Variants in AGMO observed in about 807,000 individuals in gnomAD.
The protein encoded by AGMO is alkylglycerol monooxygenase, also known as glyceryl-ether monooxygenase.
A neutral mutation model predicts 60.2 loss-of-function variants in AGMO; 75 were observed. The ratio of observed to expected loss-of-function variants is 1.25; its 90% CI spans 1.03 to 1.51. The LOEUF is 1.51. Among genes scored for constraint, AGMO ranks in the 40% most tolerant of loss-of-function variants. The pLI, the probability that AGMO is intolerant of heterozygous loss-of-function variation, is 0.00. For missense variants in AGMO, 763 were observed against 525.5 expected (o/e 1.45, Z -4.42); for synonymous variants, 261 against 177.1 (o/e 1.47, Z -3.76).
At chr7:15,534,708 T>A (rs1332007318) in intron 3 of AGMO, among the ~76,000 whole-genome samples, 3 of 151,916 alleles carry the variant, frequency 2.0e-5, no homozygotes, top group Non-Finnish European at 4.4e-5. Context: ...ATATGATACA[T>A]TTGTACATAT....
At chr7:15,407,458 C>G (rs1321270872) in intron 5 of AGMO, among the ~76,000 whole-genome samples, 1 of 151,428 alleles carries the variant, frequency 6.6e-6, no homozygotes, top group East Asian at 1.9e-4. Flanking sequence ...AATATTTGAT[C>G]TTGATGTTGA....
intron 12 of AGMO, among the ~76,000 whole-genome samples, chr7:15,322,622 A>G (rs1446333019): frequency 6.6e-5 from 3 of 45,772 alleles, no homozygotes; most frequent in Non-Finnish European, 1.0e-4. Flanking sequence ...AAATATATAA[A>G]TATATATAAA....
At chr7:15,129,023 T>C in the AGMO span, among the ~76,000 whole-genome samples, 1 of 152,050 alleles carries the variant, frequency 6.6e-6, no homozygotes, top group Non-Finnish European at 1.5e-5. Context: ...CGGGTGGTGG[T>C]GGGCTTACTA....
intron 12 of AGMO, among the ~76,000 whole-genome samples, chr7:15,276,578 C>T (rs1295068435): frequency 1.3e-5 from 2 of 152,224 alleles, no homozygotes; most frequent in Admixed American, 1.3e-4. Flanking sequence ...TGGATGTCTA[C>T]ATCTCTAGCA....
At chr7:15,510,071 C>T (rs953056687) in intron 3 of AGMO, among the ~76,000 whole-genome samples, 1 of 152,092 alleles carries the variant, frequency 6.6e-6, no homozygotes, top group South Asian at 2.1e-4. Flanking sequence ...GTTAACATAT[C>T]AAAAGGAAAT....
At chr7:15,357,389 C>G (rs1782579530) in intron 12 of AGMO, among the ~76,000 whole-genome samples, 1 of 151,990 alleles carries the variant, frequency 6.6e-6, no homozygotes, top group Non-Finnish European at 1.5e-5. Flanking sequence ...TGACAATACA[C>G]TAACCACCAC....
intron 10 of AGMO, among the ~76,000 whole-genome samples, chr7:15,383,975 C>G (rs1196228105): frequency 6.6e-6 from 1 of 151,730 alleles, no homozygotes; most frequent in South Asian, 2.1e-4. Context: ...TCGCTCTGTC[C>G]CCCAGGCTGG....
At chr7:15,555,288 TATATACACACACACACAC>T (rs1158543582) in intron 2 of AGMO, among the ~76,000 whole-genome samples, 1 of 100,004 alleles carries the variant, frequency 1.0e-5, no homozygotes, top group Non-Finnish European at 1.8e-5. Flanking sequence ...TATATATATA[TATATACACACACACACAC>T]ACACACACAC....
chr7:15,192,135 G>A, the AGMO span, among the ~76,000 whole-genome samples: 1 of 151,976 alleles, frequency 6.6e-6, no homozygotes, highest in Non-Finnish European at 1.5e-5. Context: ...ATGGAGAAGA[G>A]GCAGAAGTGT....
At chr7:15,169,627 G>C in the AGMO span, among the ~76,000 whole-genome samples, 1 of 151,910 alleles carries the variant, frequency 6.6e-6, no homozygotes. Context: ...AGTAGAGATG[G>C]GGTTTCACTA....
intron 5 of AGMO, among the ~76,000 whole-genome samples, chr7:15,397,339 C>A (rs1290135029): frequency 6.6e-6 from 1 of 151,754 alleles, no homozygotes; most frequent in Non-Finnish European, 1.5e-5. Context: ...GAACCCGAGC[C>A]GGCCCGCGAG....
At chr7:15,385,898 G>A (rs1270722419) in intron 9 of AGMO, among the ~76,000 whole-genome samples, 1 of 152,082 alleles carries the variant, frequency 6.6e-6, no homozygotes, top group Non-Finnish European at 1.5e-5. Flanking sequence ...AAAACAGAAG[G>A]TGCCAGATGT....
chr7:15,135,542 A>T, the AGMO span, among the ~76,000 whole-genome samples: 1 of 152,234 alleles, frequency 6.6e-6, no homozygotes, highest in Non-Finnish European at 1.5e-5. Flanking sequence ...AAAACTGCAT[A>T]TTTAAATCAC....
chr7:15,237,150 A>G (rs57462373), intron 12 of AGMO, among the ~76,000 whole-genome samples: 1,981 of 152,212 alleles, frequency 0.013, 46 homozygotes, highest in African/African-American at 0.045. Flanking sequence ...GTATGTGCAT[A>G]TATTCACACC....
intron 10 of AGMO, among the ~76,000 whole-genome samples, chr7:15,368,099 G>A (rs911925228): frequency 1.3e-5 from 2 of 151,906 alleles, no homozygotes; most frequent in Admixed American, 1.3e-4. Flanking sequence ...GAGTATTGCT[G>A]AGTGGTCAAA....
intron 12 of AGMO, among the ~76,000 whole-genome samples, chr7:15,258,582 A>C (rs112048478): frequency 1.2e-3 from 189 of 152,246 alleles, no homozygotes; most frequent in African/African-American, 3.9e-3. Flanking sequence ...AAAAAAGAAA[A>C]AGAAAATTCC....
chr7:15,232,861 T>C (rs1011338068), intron 12 of AGMO, among the ~76,000 whole-genome samples: 36 of 151,740 alleles, frequency 2.4e-4, no homozygotes, highest in African/African-American at 8.7e-4. Context: ...TGGTTTAAGC[T>C]ATCACAAAAG....
chr7:15,471,211 C>T (rs546812618), intron 3 of AGMO, among the ~76,000 whole-genome samples: 1 of 152,052 alleles, frequency 6.6e-6, no homozygotes, highest in African/African-American at 2.4e-5. Context: ...GGTATGATCT[C>T]ACAACTCTGC....
rs996663381 is a variant in AGMO, at chr7:15,396,745, G to C, written c.610-2566C>G. Among the ~76,000 whole-genome samples, 50 of 151,546 alleles carry C rather than the reference G, an allele frequency of 3.3e-4. 1 individual carries two copies. The highest frequency in any genetic ancestry group is 1.2e-3 in the African/African-American group (49 of 40,952). ...GGTCCACTTTACAGAGAGCTGATTGGTCCATTTTACGGAGAGCTGATTGGT... is the reference window on the plus strand; with the variant it reads ...GGTCCACTTTACAGAGAGCTGATTGCTCCATTTTACGGAGAGCTGATTGGT... On this transcript the variant is annotated intron_variant, in intron 5 of 12. Transcript: ENST00000342526.
Sources: gnomAD v4.1 joint callset for allele counts (sites outside exome capture counted in the v4.1 genomes callset) on GRCh38, gnomAD v4.1.1 for gene constraint, MANE v1.5 for transcripts, NCBI Gene and HGNC (gene_info 2026-07-23, HGNC 2026-07-21) for gene names.